Variants in SLC1A2 observed in about 807,000 individuals in gnomAD.
SLC1A2 encodes excitatory amino acid transporter 2.
In SLC1A2, 15 loss-of-function variants were observed where a neutral mutation model predicts 48.8. The ratio of observed to expected loss-of-function variants is 0.31; its 90% CI spans 0.21 to 0.47. The LOEUF is 0.47. Among genes scored for constraint, SLC1A2 ranks in the 20% least tolerant of loss-of-function variants. The pLI is 0.99. For missense variants in SLC1A2, 502 were observed against 730.5 expected (o/e 0.69, Z 3.61); for synonymous variants, 279 against 272.6 (o/e 1.02, Z -0.23).
intron 1 of SLC1A2, among the ~76,000 whole-genome samples, chr11:35,410,839 C>T (rs1359471814): frequency 6.6e-6 from 1 of 152,212 alleles, no homozygotes; most frequent in Non-Finnish European, 1.5e-5. Context: ...ACCTCTCCCT[C>T]TGCCTACCCT....
Position 35,286,961 on chromosome 11 carries a change from A to G in SLC1A2, c.1092-10T>C. On this transcript the variant is annotated splice_polypyrimidine_tract_variant and intron_variant, in intron 7 of 10. Coordinates refer to ENST00000278379, the MANE Select transcript of SLC1A2 (RefSeq NM_004171.4). ...AGGCAAAGTTCCAGCACTGAGAACA[A>G]AGAGAAAGAGAGAGACAGGGTTATG... 6.2e-7 allele frequency: 1 copy of G among 1,611,352 alleles called. No homozygotes were observed. Among genetic ancestry groups the G allele is most frequent in the Non-Finnish European group, 8.5e-7 (1 of 1,177,648 alleles).
chr11:35,316,656 A>G (rs1190527807), intron 2 of SLC1A2: 1 of 152,332 alleles, frequency 6.6e-6, no homozygotes, highest in East Asian at 1.9e-4. Flanking sequence ...GTGAAACCTA[A>G]GTGAGAGCTG....
intron 1 of SLC1A2, among the ~76,000 whole-genome samples, chr11:35,378,057 C>A (rs2135192017): frequency 6.6e-6 from 1 of 152,312 alleles, no homozygotes; most frequent in Admixed American, 6.5e-5. Flanking sequence ...CATACAGAAC[C>A]ACACAAGCTC....
At chr11:35,266,541 ACT>A in intron 9 of SLC1A2, among the ~76,000 whole-genome samples, 1 of 152,258 alleles carries the variant, frequency 6.6e-6, no homozygotes. Flanking sequence ...ATGGTTGATA[ACT>A]CTCTTAGAAA....
intron 1 of SLC1A2, among the ~76,000 whole-genome samples, chr11:35,366,786 G>T (rs779556164): frequency 6.6e-6 from 1 of 152,194 alleles, no homozygotes; most frequent in Non-Finnish European, 1.5e-5. Flanking sequence ...CCATGGTTCT[G>T]CTATTGCTCT....
At chr11:35,371,019 A>T (rs1338374940) in intron 1 of SLC1A2, 2 of 984,894 alleles carry the variant, frequency 2.0e-6, no homozygotes, top group African/African-American at 1.7e-5. Flanking sequence ...TCTCTCATTC[A>T]TGGGGTGAGT....
At chr11:35,341,164 T>C (rs762517846) in intron 1 of SLC1A2, among the ~76,000 whole-genome samples, 1 of 152,130 alleles carries the variant, frequency 6.6e-6, no homozygotes, top group Non-Finnish European at 1.5e-5. Context: ...AAGGTTCAGG[T>C]TCGCCCCGAA....
intron 1 of SLC1A2, among the ~76,000 whole-genome samples, chr11:35,408,041 T>C (rs903563636): frequency 6.6e-6 from 1 of 152,102 alleles, no homozygotes; most frequent in Non-Finnish European, 1.5e-5. Flanking sequence ...TTCACTGTCT[T>C]CTTCAAATTT....
intron 2 of SLC1A2, 79 bp from the exon 3 acceptor site, chr11:35,315,254 C>T: frequency 3.9e-6 from 4 of 1,036,204 alleles, no homozygotes; most frequent in South Asian, 1.4e-5. Context: ...ATTTCAGCAA[C>T]ATTGACCTTT....
intron 6 of SLC1A2, among the ~76,000 whole-genome samples, chr11:35,300,585 C>G (rs1435672488): frequency 6.6e-6 from 1 of 152,214 alleles, no homozygotes; most frequent in Admixed American, 6.5e-5. Context: ...CTGCTAGTAC[C>G]TTGATCTTGG....
At chr11:35,291,909 G>A (rs1851021786) in intron 7 of SLC1A2, 1 of 185,808 alleles carries the variant, frequency 5.4e-6, no homozygotes, top group Non-Finnish European at 1.1e-5. Context: ...AATATTTTGT[G>A]ATAGCATTTT....
chr11:35,285,170 T>A (rs1297969059), intron 8 of SLC1A2, among the ~76,000 whole-genome samples: 1 of 152,122 alleles, frequency 6.6e-6, no homozygotes, highest in African/African-American at 2.4e-5. Flanking sequence ...TGAGTCACAG[T>A]CAGAAAGAAG....
chr11:35,261,383 G>A (rs1950391937), intron 10 of SLC1A2, among the ~76,000 whole-genome samples: 2 of 152,192 alleles, frequency 1.3e-5, no homozygotes, highest in African/African-American at 4.8e-5. Flanking sequence ...CAGTTGCAAT[G>A]ACACCAGGTA....
chr11:35,290,434 A>G (rs998467929), intron 7 of SLC1A2, among the ~76,000 whole-genome samples: 1 of 152,182 alleles, frequency 6.6e-6, no homozygotes, highest in Non-Finnish European at 1.5e-5. Context: ...CCAGTAAAAA[A>G]ATAACTATTT....
chr11:35,382,403 T>A (rs1433818950), intron 1 of SLC1A2, among the ~76,000 whole-genome samples: 1 of 152,250 alleles, frequency 6.6e-6, no homozygotes, highest in African/African-American at 2.4e-5. Flanking sequence ...ACTAGACCAG[T>A]GAAATCTTTG....
chr11:35,261,980 A>G (rs552693796), intron 10 of SLC1A2: 33 of 367,744 alleles, frequency 9.0e-5, no homozygotes, highest in African/African-American at 6.9e-4. Context: ...GCAATTAGCA[A>G]TGACTGCTCC....
chr11:35,279,489 C>T (rs1411085061), intron 9 of SLC1A2, among the ~76,000 whole-genome samples: 2 of 152,202 alleles, frequency 1.3e-5, no homozygotes, highest in Non-Finnish European at 2.9e-5. Flanking sequence ...GAGTACCAGA[C>T]CACTTGTACA....
At chr11:35,370,721 G>A (rs7116961) in intron 1 of SLC1A2, among the ~76,000 whole-genome samples, 41,487 of 151,786 alleles carry the variant, frequency 0.27, 5,758 homozygotes, top group African/African-American at 0.3. Flanking sequence ...CATCTTATGT[G>A]AGAGGCTGTC....
At chr11:35,314,952 T>C (rs1851823974) in intron 3 of SLC1A2, 71 bp downstream of exon 3, 1 of 1,112,240 alleles carries the variant, frequency 9.0e-7, no homozygotes. Flanking sequence ...CAAATTGAGA[T>C]TCTACAGTTA....
Sources: gnomAD v4.1 joint callset for allele counts (sites outside exome capture counted in the v4.1 genomes callset) on GRCh38, gnomAD v4.1.1 for gene constraint, MANE v1.5 for transcripts, NCBI Gene and HGNC (gene_info 2026-07-23, HGNC 2026-07-21) for gene names.